ME1: variants seen among roughly 807,000 people sequenced by gnomAD.
ME1 encodes NADP-dependent malic enzyme.
A neutral mutation model predicts 66.4 loss-of-function variants in ME1; 74 were observed. That is an observed-to-expected ratio of 1.11 (90% CI 0.92 to 1.35). The LOEUF (loss-of-function observed/expected upper bound fraction) is 1.35, where lower values mean the gene tolerates loss of function less well. Among genes scored for constraint, ME1 ranks in the 40% most tolerant of loss-of-function variants. The pLI is 0.00. For synonymous variants in ME1, 251 were observed against 235.6 expected, an observed-to-expected ratio of 1.07 and a Z score of -0.60; for missense variants, 750 against 694.1, an observed-to-expected ratio of 1.08 and a Z score of -0.90.
intron 5 of ME1, among the ~76,000 whole-genome samples, chr6:83,329,803 C>T (rs1768370171): frequency 6.6e-6 from 1 of 151,932 alleles, no homozygotes; most frequent in Admixed American, 6.6e-5. Flanking sequence ...TTAAAGTGTT[C>T]TCTTTTTTTA....
chr6:83,239,218 T>C (rs994206272), intron 8 of ME1, among the ~76,000 whole-genome samples: 1 of 152,042 alleles, frequency 6.6e-6, no homozygotes, highest in African/African-American at 2.4e-5. Context: ...TAAACCAGCT[T>C]AAATACATAA....
At chr6:83,265,322 G>T (rs1766970092) in intron 6 of ME1, among the ~76,000 whole-genome samples, 1 of 151,850 alleles carries the variant, frequency 6.6e-6, no homozygotes, top group Non-Finnish European at 1.5e-5. Context: ...TTGGAGACAG[G>T]GTCTCACTCC....
intron 5 of ME1, among the ~76,000 whole-genome samples, chr6:83,326,079 G>A (rs1231200793): frequency 2.6e-5 from 4 of 151,928 alleles, no homozygotes; most frequent in African/African-American, 9.7e-5. Context: ...CAGAACAGAG[G>A]CCTCAGAAAT....
At chr6:83,279,163 T>C (rs1484062504) in intron 6 of ME1, among the ~76,000 whole-genome samples, 1 of 152,196 alleles carries the variant, frequency 6.6e-6, no homozygotes, top group Non-Finnish European at 1.5e-5. Flanking sequence ...TAGCCTCTAA[T>C]ACTACAGCTA....
At chr6:83,367,958 T>C in intron 3 of ME1, among the ~76,000 whole-genome samples, 1 of 152,160 alleles carries the variant, frequency 6.6e-6, no homozygotes, top group East Asian at 1.9e-4. Context: ...CCAGATTTTG[T>C]TTTAAACTGA....
At chr6:83,382,200 T>A (rs1384401776) in intron 3 of ME1, among the ~76,000 whole-genome samples, 1 of 152,126 alleles carries the variant, frequency 6.6e-6, no homozygotes, top group African/African-American at 2.4e-5. Context: ...ACAGTACTCA[T>A]GTATTTCTTT....
intron 6 of ME1, among the ~76,000 whole-genome samples, chr6:83,285,089 T>G (rs928347742): frequency 1.3e-5 from 2 of 152,164 alleles, no homozygotes; most frequent in African/African-American, 4.8e-5. Flanking sequence ...TTCTTAACAT[T>G]AGACTGAAAA....
chr6:83,311,880 T>A (rs1412079466), intron 6 of ME1, among the ~76,000 whole-genome samples: 1 of 152,062 alleles, frequency 6.6e-6, no homozygotes, highest in Non-Finnish European at 1.5e-5. Context: ...GAATCTTGCA[T>A]CCCTAGAGGC....
At chr6:83,243,957 T>A (rs1162629500) in intron 7 of ME1, among the ~76,000 whole-genome samples, 1 of 148,770 alleles carries the variant, frequency 6.7e-6, no homozygotes, top group Non-Finnish European at 1.5e-5. Flanking sequence ...GATAGTCAAC[T>A]TCCCCACACT....
At chr6:83,259,787 A>C (rs1223472932) in intron 6 of ME1, among the ~76,000 whole-genome samples, 2 of 152,038 alleles carry the variant, frequency 1.3e-5, no homozygotes, top group African/African-American at 4.8e-5. Flanking sequence ...CAGTCCTTTC[A>C]TTTCTCTTAC....
intron 6 of ME1, among the ~76,000 whole-genome samples, chr6:83,304,229 A>C (rs1767784128): frequency 6.6e-6 from 1 of 152,162 alleles, no homozygotes; most frequent in Non-Finnish European, 1.5e-5. Context: ...GGAGCTGAGG[A>C]TTGACTCCAA....
intron 5 of ME1, among the ~76,000 whole-genome samples, chr6:83,321,023 G>A (rs1490257031): frequency 6.6e-6 from 1 of 152,132 alleles, no homozygotes. Context: ...GCAGGGTGGG[G>A]CATCGCTGCA....
intron 9 of ME1, among the ~76,000 whole-genome samples, chr6:83,230,907 T>C (rs1046987447): frequency 6.6e-6 from 1 of 152,078 alleles, no homozygotes; most frequent in African/African-American, 2.4e-5. Context: ...CACTCCAGCC[T>C]GGGCGACAGC....
intron 5 of ME1, among the ~76,000 whole-genome samples, chr6:83,317,341 G>A (rs925131694): frequency 5.3e-5 from 8 of 151,764 alleles, no homozygotes; most frequent in African/African-American, 1.9e-4. Context: ...TTATTTCCTT[G>A]AGCAGTGGTT....
chr6:83,320,924 G>A (rs1035564021), intron 5 of ME1, among the ~76,000 whole-genome samples: 1 of 152,084 alleles, frequency 6.6e-6, no homozygotes, highest in African/African-American at 2.4e-5. Flanking sequence ...GCAGAAGGTG[G>A]GTGATTTCTG....
intron 13 of ME1, among the ~76,000 whole-genome samples, chr6:83,214,355 A>G (rs901607889): frequency 3.3e-5 from 5 of 152,070 alleles, no homozygotes; most frequent in Admixed American, 1.3e-4. Context: ...TTGCTTTCCT[A>G]ATTCTCTGCC....
At chr6:83,252,538 C>A (rs1322651895) in intron 7 of ME1, among the ~76,000 whole-genome samples, 2 of 152,030 alleles carry the variant, frequency 1.3e-5, no homozygotes, top group African/African-American at 4.8e-5. Flanking sequence ...TACGCTCAAG[C>A]GATCTGCCTG....
chr6:83,276,767 T>C (rs1255195492), intron 6 of ME1, among the ~76,000 whole-genome samples: 1 of 152,208 alleles, frequency 6.6e-6, no homozygotes, highest in Non-Finnish European at 1.5e-5. Context: ...TTTTAATGTC[T>C]TGACAAAAAA....
intron 7 of ME1, among the ~76,000 whole-genome samples, chr6:83,249,028 T>G (rs1790673679): frequency 6.6e-6 from 1 of 152,034 alleles, no homozygotes; most frequent in Non-Finnish European, 1.5e-5. Flanking sequence ...ACAGTTTACT[T>G]AACTTAGGCA....
Sources: gnomAD v4.1 joint callset for allele counts (sites outside exome capture counted in the v4.1 genomes callset) on GRCh38, gnomAD v4.1.1 for gene constraint, MANE v1.5 for transcripts, NCBI Gene and HGNC (gene_info 2026-07-23, HGNC 2026-07-21) for gene names.